NR6A1: variants seen among roughly 807,000 people sequenced by gnomAD.
NR6A1 encodes the protein nuclear receptor subfamily 6 group A member 1, also known as retinoic acid receptor-related testis-associated receptor.
A neutral mutation model predicts 59.1 loss-of-function variants in NR6A1; 7 were observed. That is an observed-to-expected ratio of 0.12 (90% CI 0.07 to 0.22). The LOEUF (loss-of-function observed/expected upper bound fraction) is 0.22. Ranked by LOEUF, NR6A1 falls within the 10% of genes least tolerant of loss-of-function variation. The probability of loss-of-function intolerance (pLI) is 1.00; values close to 1 mark genes in which losing one functional copy is unlikely to be tolerated. For synonymous variants in NR6A1, 243 were observed against 236.1 expected (o/e 1.03, Z -0.27); for missense variants, 468 against 611.6 (o/e 0.77, Z 2.48).
chr9:124,574,673 C>A (rs187366396), intron 2 of NR6A1, among the ~76,000 whole-genome samples: 1 of 152,260 alleles, frequency 6.6e-6, no homozygotes, highest in East Asian at 1.9e-4. Flanking sequence ...ATTTATATAT[C>A]ATTTCCCCAT....
At chr9:124,748,294 T>C (rs1002647845) in intron 1 of NR6A1, among the ~76,000 whole-genome samples, 8 of 152,212 alleles carry the variant, frequency 5.3e-5, no homozygotes, top group African/African-American at 1.7e-4. Context: ...TCCATGAGTT[T>C]ATCAAAAGTT....
At chr9:124,746,571 G>A (rs1219374473) in intron 1 of NR6A1, among the ~76,000 whole-genome samples, 1 of 151,950 alleles carries the variant, frequency 6.6e-6, no homozygotes, top group Admixed American at 6.6e-5. Flanking sequence ...CTGGGCAACA[G>A]AGCGAGACTC....
At chr9:124,693,184 A>G (rs77179860) in intron 2 of NR6A1, among the ~76,000 whole-genome samples, 2,668 of 152,232 alleles carry the variant, frequency 0.018, 68 homozygotes, top group African/African-American at 0.059. Flanking sequence ...TTAACTAGTT[A>G]TTTGACCCCC....
At chr9:124,694,872 A>G (rs1838691606) in intron 2 of NR6A1, among the ~76,000 whole-genome samples, 1 of 152,232 alleles carries the variant, frequency 6.6e-6, no homozygotes. Context: ...GAGAAATCAA[A>G]GCCAAAAGAA....
At chr9:124,594,771 C>G (rs75870684) in intron 2 of NR6A1, among the ~76,000 whole-genome samples, 1,574 of 152,232 alleles carry the variant, frequency 0.01, 27 homozygotes, top group African/African-American at 0.036. Flanking sequence ...ATGCTATTAT[C>G]AGAGGGGGTC....
chr9:124,706,348 C>A (rs1344579911), intron 2 of NR6A1, among the ~76,000 whole-genome samples: 1 of 152,184 alleles, frequency 6.6e-6, no homozygotes, highest in African/African-American at 2.4e-5. Context: ...CACTGTTCAT[C>A]ATTTCTTCTT....
intron 1 of NR6A1, among the ~76,000 whole-genome samples, chr9:124,763,307 C>T (rs1325127155): frequency 2.0e-5 from 3 of 152,194 alleles, no homozygotes; most frequent in Admixed American, 1.3e-4. Context: ...ACTACTAATA[C>T]AGTTTGTGCC....
chr9:124,693,731 C>G (rs765712905), intron 2 of NR6A1: 3 of 534,676 alleles, frequency 5.6e-6, no homozygotes, highest in South Asian at 4.2e-5. Flanking sequence ...ACTCAACATT[C>G]ATTGCTGTCG....
chr9:124,643,988 C>A (rs1836852796), intron 2 of NR6A1, among the ~76,000 whole-genome samples: 1 of 152,168 alleles, frequency 6.6e-6, no homozygotes, highest in Admixed American at 6.5e-5. Context: ...ACAACCTCCA[C>A]CTCCTGGGTT....
intron 2 of NR6A1, among the ~76,000 whole-genome samples, chr9:124,705,782 C>CT (rs11351242): frequency 0.019 from 2,831 of 145,734 alleles, 81 homozygotes; most frequent in African/African-American, 0.064. Context: ...TCAATCCCCC[C>CT]TTTTTTTTTT....
chr9:124,765,622 G>A (rs1177174826), intron 1 of NR6A1, among the ~76,000 whole-genome samples: 3 of 152,046 alleles, frequency 2.0e-5, no homozygotes, highest in Non-Finnish European at 2.9e-5. Flanking sequence ...CTGGGGGTGG[G>A]GAAAAAAGCA....
chr9:124,531,452 T>G (rs987343394), intron 7 of NR6A1, among the ~76,000 whole-genome samples: 1 of 152,186 alleles, frequency 6.6e-6, no homozygotes, highest in Non-Finnish European at 1.5e-5. Context: ...AGGAACTCAC[T>G]TGCACTCAAG....
chr9:124,655,175 T>C (rs1332820507), intron 2 of NR6A1, among the ~76,000 whole-genome samples: 1 of 151,982 alleles, frequency 6.6e-6, no homozygotes, highest in African/African-American at 2.4e-5. Context: ...AATGAAAGAG[T>C]ATTTAATTTG....
chr9:124,699,741 G>A (rs188597861), intron 2 of NR6A1, among the ~76,000 whole-genome samples: 3 of 152,002 alleles, frequency 2.0e-5, no homozygotes, highest in East Asian at 1.9e-4. Context: ...ATCTAATTTC[G>A]AACCTTTGCA....
Position 124,522,785 on chromosome 9 carries a change from C to A in NR6A1, c.1363G>T (p.Val455Leu), listed in dbSNP as rs1318020783. ...PEIRYIAGKMVNVPLEQLPLL... is the reference protein window; with the variant it reads ...PEIRYIAGKMLNVPLEQLPLL... ...GGCAGCTGCTCCAGGGGCACATTCA[C>A]CATCTTTCCTGGGAACAAGGGGGGA... The change falls in exon 10 of 10, where the codon GTG becomes TTG. Residue 455 changes from valine (V) to leucine (L), a missense_variant. Val to Leu is a conservative substitution (Grantham distance 32, BLOSUM62 1). Transcript: ENST00000487099. 1 of 1,587,148 alleles carries A rather than the reference C, an allele frequency of 6.3e-7. No individual in the cohort carries two copies. The highest frequency in any genetic ancestry group is 8.6e-7 in the Non-Finnish European group (1 of 1,166,692).
intron 2 of NR6A1, among the ~76,000 whole-genome samples, chr9:124,702,887 C>CG (rs1394417932): frequency 5.9e-5 from 9 of 151,786 alleles, no homozygotes; most frequent in Admixed American, 3.9e-4. Flanking sequence ...TTTGCCTATT[C>CG]TACGAATAGG....
At chr9:124,547,936 T>G (rs1171748093) in intron 3 of NR6A1, among the ~76,000 whole-genome samples, 2 of 152,056 alleles carry the variant, frequency 1.3e-5, no homozygotes, top group African/African-American at 2.4e-5. Context: ...TGGCAAAAAT[T>G]GAATAAGATC....
intron 1 of NR6A1, among the ~76,000 whole-genome samples, chr9:124,734,685 G>A (rs903985136): frequency 2.0e-5 from 3 of 151,938 alleles, no homozygotes; most frequent in Non-Finnish European, 2.9e-5. Context: ...AGAGCGAGAC[G>A]CTGTCTCAAA....
At chr9:124,535,569 C>T (rs933799014) in intron 7 of NR6A1, among the ~76,000 whole-genome samples, 2 of 152,200 alleles carry the variant, frequency 1.3e-5, no homozygotes, top group Admixed American at 1.3e-4. Context: ...CAGAATGAGA[C>T]TCTGTCTCAA....
Sources: gnomAD v4.1 joint callset for allele counts (sites outside exome capture counted in the v4.1 genomes callset) on GRCh38, gnomAD v4.1.1 for gene constraint, MANE v1.5 for transcripts, NCBI Gene and HGNC (gene_info 2026-07-23, HGNC 2026-07-21) for gene names.